GIGYF2: variants seen among roughly 807,000 people sequenced by gnomAD.
GIGYF2 encodes GRB10-interacting GYF protein 2.
A neutral mutation model predicts 208.1 loss-of-function variants in GIGYF2; 25 were observed. The observed-to-expected ratio is 0.12, with a 90% confidence interval of 0.09 to 0.17. The LOEUF is 0.17. Among genes scored for constraint, GIGYF2 ranks in the 10% least tolerant of loss-of-function variants. The probability of loss-of-function intolerance (pLI) is 1.00; values close to 1 mark genes in which losing one functional copy is unlikely to be tolerated. For synonymous variants in GIGYF2, 534 were observed against 543.8 expected, an observed-to-expected ratio of 0.98 and a Z score of 0.25; for missense variants, 1,302 against 1,579.4, an observed-to-expected ratio of 0.82 and a Z score of 2.98.
intron 14 of GIGYF2, among the ~76,000 whole-genome samples, chr2:232,804,371 G>C (rs1700491397): frequency 6.8e-6 from 1 of 146,006 alleles, no homozygotes; most frequent in East Asian, 2.0e-4. Flanking sequence ...ATTTACATCT[G>C]AGCATCTCAG....
At chr2:232,714,722 G>A (rs561479847) in intron 2 of GIGYF2, among the ~76,000 whole-genome samples, 3 of 151,344 alleles carry the variant, frequency 2.0e-5, no homozygotes, top group Admixed American at 1.3e-4. Flanking sequence ...TGTTTTCTGT[G>A]ACTTATTGAT....
intron 2 of GIGYF2, among the ~76,000 whole-genome samples, chr2:232,721,245 G>A (rs563007833): frequency 6.6e-6 from 1 of 152,152 alleles, no homozygotes; most frequent in Non-Finnish European, 1.5e-5. Context: ...ATCTGTCATT[G>A]TCCAGAATGA....
At chr2:232,837,220 G>T (rs1436877249) in intron 22 of GIGYF2, among the ~76,000 whole-genome samples, 1 of 152,166 alleles carries the variant, frequency 6.6e-6, no homozygotes, top group Non-Finnish European at 1.5e-5. Context: ...GAGACACACC[G>T]ATGTGCTTTT....
intron 21 of GIGYF2, 32 bp from the exon 22 acceptor site, chr2:232,832,825 T>C: frequency 1.3e-6 from 2 of 1,485,736 alleles, no homozygotes; most frequent in Non-Finnish European, 1.8e-6. Flanking sequence ...ATTAATAAAA[T>C]TTTTATATCT....
chr2:232,838,824 C>T (rs1157370133), intron 22 of GIGYF2, among the ~76,000 whole-genome samples: 1 of 152,118 alleles, frequency 6.6e-6, no homozygotes. Context: ...CCTCCCCCAC[C>T]CCAGGGCAGG....
intron 5 of GIGYF2, among the ~76,000 whole-genome samples, chr2:232,752,596 A>G (rs553784087): frequency 6.6e-6 from 1 of 152,126 alleles, no homozygotes; most frequent in Admixed American, 6.5e-5. Flanking sequence ...GCTGGAGTGC[A>G]GTGGCGCGAT....
intron 13 of GIGYF2, among the ~76,000 whole-genome samples, chr2:232,795,254 C>G (rs182962057): frequency 1.9e-3 from 294 of 152,182 alleles, no homozygotes; most frequent in African/African-American, 6.8e-3. Context: ...TGTGGATGGT[C>G]ACTGTATCTT....
intron 14 of GIGYF2, among the ~76,000 whole-genome samples, chr2:232,800,919 G>A (rs954489003): frequency 1.3e-5 from 2 of 151,458 alleles, no homozygotes; most frequent in Non-Finnish European, 2.9e-5. Context: ...GCTCTGTCAC[G>A]CAGTCTGCAG....
chr2:232,768,265 T>C (rs1699058091), intron 8 of GIGYF2: 1 of 1,614,130 alleles, frequency 6.2e-7, no homozygotes. Flanking sequence ...TCCAGGTCAG[T>C]CCTGTTTGGG....
intron 2 of GIGYF2, among the ~76,000 whole-genome samples, chr2:232,707,234 G>A (rs980520976): frequency 6.6e-6 from 1 of 152,092 alleles, no homozygotes; most frequent in Non-Finnish European, 1.5e-5. Flanking sequence ...GGAACAAAGC[G>A]CCTTTTATTC....
rs368804161 is a variant in GIGYF2, at chr2:232,760,574, G to A, written c.474G>A (p.Ser158=). ...GRGGGREMHR[S]QSWEERGDRR... ...GAGGTGGCAGAGAAATGCATAGATC[G>A]CAGAGCTGGGAGGAAAGGTAACTGG... Residue 158 remains serine (S), a synonymous_variant, in exon 7 of 29, where the codon TCG becomes TCA. Transcript: ENST00000373563. 2.7e-5 allele frequency: 43 copies of A among 1,607,678 alleles called. No individual in the cohort carries two copies. The highest frequency in any genetic ancestry group is 3.4e-5 in the Non-Finnish European group (40 of 1,174,576).
intron 28 of GIGYF2, among the ~76,000 whole-genome samples, chr2:232,856,098 T>G (rs1690558800): frequency 6.6e-6 from 1 of 151,918 alleles, no homozygotes; most frequent in Non-Finnish European, 1.5e-5. Context: ...ACCTAGCTAA[T>G]GTTTTTTTGT....
chr2:232,786,502 G>T (rs1198519327), intron 8 of GIGYF2, among the ~76,000 whole-genome samples: 1 of 152,200 alleles, frequency 6.6e-6, no homozygotes, highest in Non-Finnish European at 1.5e-5. Flanking sequence ...CTCCCAAAGT[G>T]CTGGGATTAT....
intron 3 of GIGYF2, among the ~76,000 whole-genome samples, chr2:232,737,235 T>C (rs1013347568): frequency 2.0e-5 from 3 of 152,232 alleles, no homozygotes; most frequent in African/African-American, 7.2e-5. Context: ...CATCTTTCAA[T>C]AGTATCTTAC....
chr2:232,843,562 C>CAAAAAAAAAA (rs577833427), intron 23 of GIGYF2, among the ~76,000 whole-genome samples: 1 of 91,574 alleles, frequency 1.1e-5, no homozygotes. Context: ...GACCCTGTCT[C>CAAAAAAAAAA]AAAAAAAAAA....
rs1696733195 is a variant in GIGYF2 at position 232,717,347 on chromosome 2, TG to T, written c.-44+13860del. Among the ~76,000 whole-genome samples, 3 of 152,242 alleles carry T rather than the reference TG, an allele frequency of 2.0e-5. No individual in the cohort carries two copies. In the South Asian group the frequency reaches 6.2e-4, roughly 32 times the overall value. On this transcript the variant is annotated intron_variant, in intron 2 of 28. Coordinates refer to ENST00000373563, the MANE Select transcript of GIGYF2 (RefSeq NM_001103146.3). ...ATAATAATAATTGATAGGTAAAATA[TG>T]GTAAATACATGCACAAATGTGAAGT...
chr2:232,760,888 C>T (rs2106325944), intron 7 of GIGYF2, among the ~76,000 whole-genome samples: 1 of 151,496 alleles, frequency 6.6e-6, no homozygotes, highest in Admixed American at 6.6e-5. Flanking sequence ...AAAGTATCTT[C>T]TCTCTATATT....
At chr2:232,809,648 C>T (rs1700671232) in intron 15 of GIGYF2, 72 bp from the exon 16 acceptor site, 6 of 842,524 alleles carry the variant, frequency 7.1e-6, no homozygotes, top group Admixed American at 1.7e-5. Flanking sequence ...TTTCAGATAC[C>T]TGTACTAAGT....
chr2:232,847,403 T>C lies in GIGYF2; in HGVS notation c.3516T>C (p.Asp1172=). The C allele has an allele frequency of 6.2e-7, 1 of 1,613,112 alleles. No homozygotes were observed. Among genetic ancestry groups the C allele is most frequent in the Non-Finnish European group, 8.5e-7 (1 of 1,179,158 alleles). ...KEVESPYEVH[D]YIRAYLGDTS... ...TAGAATCTCCTTATGAGGTCCATGA[T>C]TATATCAGGGCCTATTTAGGAGATA... Residue 1172 remains aspartate, a synonymous_variant, in exon 27 of 29, where the codon GAT becomes GAC. Transcript: ENST00000373563.
Sources: allele counts gnomAD v4.1 joint callset (sites outside exome capture counted in the v4.1 genomes callset), GRCh38; gene constraint gnomAD v4.1.1; transcripts MANE v1.5; gene names NCBI Gene and HGNC (gene_info 2026-07-23, HGNC 2026-07-21).